Variants in RAP1A observed in about 807,000 individuals in gnomAD.
RAP1A encodes the protein ras-related protein Rap-1A.
In RAP1A, 6 loss-of-function variants were observed where a neutral mutation model predicts 26.4. That is an observed-to-expected ratio of 0.23 (90% CI 0.12 to 0.45). The LOEUF (loss-of-function observed/expected upper bound fraction) is 0.45, where lower values mean the gene tolerates loss of function less well. Among genes scored for constraint, RAP1A ranks in the 20% least tolerant of loss-of-function variants. RAP1A has a pLI of 0.99. For missense variants in RAP1A, 121 were observed against 217.2 expected, an observed-to-expected ratio of 0.56 and a Z score of 2.78; for synonymous variants, 73 against 79.4, an observed-to-expected ratio of 0.92 and a Z score of 0.43.
intron 4 of RAP1A, among the ~76,000 whole-genome samples, chr1:111,701,534 CCT>C (rs1662022776): frequency 6.6e-6 from 1 of 152,126 alleles, no homozygotes; most frequent in African/African-American, 2.4e-5. Context: ...GAAATTTTTG[CCT>C]CTCATGATCA....
intron 1 of RAP1A, among the ~76,000 whole-genome samples, chr1:111,628,438 A>G (rs1281018535): frequency 6.6e-6 from 1 of 152,166 alleles, no homozygotes; most frequent in East Asian, 1.9e-4. Context: ...GTTAGAAAAT[A>G]TGGAGATAAG....
chr1:111,650,224 A>T (rs1184183400), intron 1 of RAP1A, among the ~76,000 whole-genome samples: 3 of 151,684 alleles, frequency 2.0e-5, no homozygotes, highest in Non-Finnish European at 4.4e-5. Context: ...CTTCAAAGAA[A>T]TTCAGTGACT....
At chr1:111,627,128 C>T (rs1169003702) in intron 1 of RAP1A, among the ~76,000 whole-genome samples, 2 of 151,738 alleles carry the variant, frequency 1.3e-5, no homozygotes, top group Non-Finnish European at 2.9e-5. Flanking sequence ...TCATGTTATA[C>T]TGTGGCAAAT....
At chr1:111,568,196 C>T (rs939956225) in intron 1 of RAP1A, among the ~76,000 whole-genome samples, 6 of 152,164 alleles carry the variant, frequency 3.9e-5, no homozygotes, top group Non-Finnish European at 8.8e-5. Flanking sequence ...TAAAGGAATA[C>T]CTGAGGCTGG....
At chr1:111,555,953 A>G (rs766325683) in intron 1 of RAP1A, among the ~76,000 whole-genome samples, 2 of 152,220 alleles carry the variant, frequency 1.3e-5, no homozygotes, top group Non-Finnish European at 2.9e-5. Flanking sequence ...GCATCAAAGG[A>G]CACTATTGAT....
intron 1 of RAP1A, among the ~76,000 whole-genome samples, chr1:111,581,697 A>C (rs1658260746): frequency 6.6e-6 from 1 of 152,208 alleles, no homozygotes; most frequent in Admixed American, 6.5e-5. Context: ...CATGGCATAA[A>C]AAAATTGAAT....
intron 1 of RAP1A, among the ~76,000 whole-genome samples, chr1:111,585,564 C>T (rs1658351836): frequency 1.3e-5 from 2 of 152,084 alleles, no homozygotes; most frequent in South Asian, 2.1e-4. Flanking sequence ...TCTTTTCTTA[C>T]TCCTTTTGCC....
In RAP1A at chr1:111,612,072, C is replaced by T. The variant is rs372147892; in HGVS notation, c.-28+69563C>T. On this transcript the variant is annotated intron_variant, in intron 1 of 7. Coordinates refer to the RAP1A transcript ENST00000356415. Reference sequence around the variant, plus strand: ...AATTCACATCTACAAAACTAGGCTTCTGGATTTCTCTTTCCCTCCATTTAT... The same window carrying T: ...AATTCACATCTACAAAACTAGGCTTTTGGATTTCTCTTTCCCTCCATTTAT... Among the ~76,000 whole-genome samples, 33 of 150,022 alleles carry T rather than the reference C, an allele frequency of 2.2e-4. No individual in the cohort carries two copies. The East Asian group carries it at 3.1e-3, about 14-fold the overall frequency.
At chr1:111,618,283 C>G (rs543537256), upstream of RAP1A, among the ~76,000 whole-genome samples, 3 of 152,312 alleles carry the variant, frequency 2.0e-5, no homozygotes, top group Admixed American at 1.3e-4. Context: ...TCAGCAACTT[C>G]ATCAGGCCAC....
At chr1:111,589,933 C>CTTTTGT in intron 1 of RAP1A, among the ~76,000 whole-genome samples, 1 of 151,868 alleles carries the variant, frequency 6.6e-6, no homozygotes, top group East Asian at 1.9e-4. Context: ...TTAATTTTTG[C>CTTTTGT]TTTTGTTTTT....
At chr1:111,699,330 C>A (rs7526355) in intron 4 of RAP1A, among the ~76,000 whole-genome samples, 47,406 of 151,912 alleles carry the variant, frequency 0.31, 7,732 homozygotes, top group East Asian at 0.47. Flanking sequence ...TCCATCCTAC[C>A]TTTAAGGCAT....
At chr1:111,617,915 T>A (rs1659048009), upstream of RAP1A, among the ~76,000 whole-genome samples, 1 of 151,892 alleles carries the variant, frequency 6.6e-6, no homozygotes, top group Non-Finnish European at 1.5e-5. Flanking sequence ...TGGTGGCACA[T>A]GACTGTAATC....
chr1:111,677,087 C>A (rs1661152086), intron 1 of RAP1A, among the ~76,000 whole-genome samples: 1 of 152,180 alleles, frequency 6.6e-6, no homozygotes, highest in Admixed American at 6.5e-5. Flanking sequence ...AGCCACCGTG[C>A]CCGGCCTTTT....
intron 1 of RAP1A, among the ~76,000 whole-genome samples, chr1:111,551,801 G>C (rs2101036609): frequency 6.7e-6 from 1 of 148,606 alleles, no homozygotes; most frequent in East Asian, 2.0e-4. Context: ...GAGGGATTCT[G>C]CAACTTTATT....
chr1:111,678,706 T>C (rs953303257), intron 1 of RAP1A, among the ~76,000 whole-genome samples: 34 of 152,112 alleles, frequency 2.2e-4, no homozygotes, highest in Non-Finnish European at 4.1e-4. Context: ...CCACCGTATA[T>C]GTAATAGAGT....
chr1:111,555,362 TAAA>T (rs397981230), intron 1 of RAP1A, among the ~76,000 whole-genome samples: 16,007 of 46,080 alleles, frequency 0.35, 1,268 homozygotes, highest in South Asian at 0.41. Context: ...TGAGACTCTG[TAAA>T]AAAAAAAAAA....
intron 6 of RAP1A, among the ~76,000 whole-genome samples, chr1:111,707,682 A>G (rs1444578926): frequency 6.6e-6 from 1 of 152,222 alleles, no homozygotes; most frequent in African/African-American, 2.4e-5. Flanking sequence ...TAGTATCAAT[A>G]AGGGACTTCT....
chr1:111,632,703 G>A (rs74781932), intron 1 of RAP1A, among the ~76,000 whole-genome samples: 19,136 of 151,644 alleles, frequency 0.13, 1,744 homozygotes, highest in African/African-American at 0.27. Flanking sequence ...ACCTGAGGTC[G>A]GGAGTTTGAG....
At chr1:111,602,099 A>G (rs1658683601) in intron 1 of RAP1A, 1 of 152,258 alleles carries the variant, frequency 6.6e-6, no homozygotes. Flanking sequence ...TCCTTTAGCC[A>G]AACAGCGTTT....
Sources: gnomAD v4.1 joint callset for allele counts (sites outside exome capture counted in the v4.1 genomes callset) on GRCh38, gnomAD v4.1.1 for gene constraint, MANE v1.5 for transcripts, NCBI Gene and HGNC (gene_info 2026-07-23, HGNC 2026-07-21) for gene names.